The following NHSL1 variants were observed in gnomAD, a reference collection of about 807,000 sequenced individuals.
The protein encoded by NHSL1 is NHS like 1.
NHSL1 carries 48 observed loss-of-function variants against 95.0 expected under a neutral mutation model. The observed-to-expected ratio is 0.51, with a 90% CI of 0.40 to 0.64. The LOEUF is 0.64. Ranked by LOEUF, NHSL1 falls within the 30% of genes least tolerant of loss-of-function variation. The pLI is 0.00. For synonymous variants in NHSL1, 783 were observed against 833.9 expected, an observed-to-expected ratio of 0.94 and a Z score of 1.05; for missense variants, 1,971 against 2,077.7, an observed-to-expected ratio of 0.95 and a Z score of 1.00.
intron 2 of NHSL1, among the ~76,000 whole-genome samples, chr6:138,477,005 A>G (rs1451408859): frequency 6.6e-6 from 1 of 151,534 alleles, no homozygotes; most frequent in East Asian, 1.9e-4. Flanking sequence ...ATAGTTTTAC[A>G]TACCAAATTT....
intron 1 of NHSL1, among the ~76,000 whole-genome samples, chr6:138,624,602 A>T (rs1294370150): frequency 6.6e-6 from 1 of 152,162 alleles, no homozygotes; most frequent in Non-Finnish European, 1.5e-5. Context: ...TCCTGAATGG[A>T]CAATTAAGAT....
chr6:138,484,490 C>A (rs940829546), intron 2 of NHSL1, among the ~76,000 whole-genome samples: 2 of 151,968 alleles, frequency 1.3e-5, no homozygotes, highest in Non-Finnish European at 2.9e-5. Flanking sequence ...TTGGGAAGAA[C>A]CACAGAGGGA....
At chr6:138,552,672 A>C (rs1006967169) in intron 1 of NHSL1, among the ~76,000 whole-genome samples, 1 of 151,984 alleles carries the variant, frequency 6.6e-6, no homozygotes, top group African/African-American at 2.4e-5. Context: ...CTTCCCAGGG[A>C]AGGTAAAGAT....
At chr6:138,602,400 G>A (rs926148000) in intron 1 of NHSL1, among the ~76,000 whole-genome samples, 3 of 152,086 alleles carry the variant, frequency 2.0e-5, no homozygotes, top group East Asian at 3.9e-4. Flanking sequence ...GGAGTGTAGT[G>A]GTACTATCTC....
intron 1 of NHSL1, among the ~76,000 whole-genome samples, chr6:138,511,472 C>A (rs1462781635): frequency 2.6e-5 from 4 of 151,708 alleles, no homozygotes; most frequent in Non-Finnish European, 2.9e-5. Context: ...GAAAGTAGGT[C>A]TATGGGGTCT....
chr6:138,619,076 G>A (rs1254615808), intron 1 of NHSL1, among the ~76,000 whole-genome samples: 3 of 152,160 alleles, frequency 2.0e-5, no homozygotes, highest in East Asian at 3.9e-4. Context: ...GGTGGCTCAC[G>A]CTTATAATCC....
At chr6:138,677,071 T>A (rs192452429) in intron 1 of NHSL1, among the ~76,000 whole-genome samples, 1 of 152,240 alleles carries the variant, frequency 6.6e-6, no homozygotes, top group Non-Finnish European at 1.5e-5. Context: ...TAATAAATTA[T>A]AAAGCTGAAT....
chr6:138,588,327 G>A (rs2114514277), intron 1 of NHSL1, among the ~76,000 whole-genome samples: 1 of 152,310 alleles, frequency 6.6e-6, no homozygotes, highest in Admixed American at 6.5e-5. Flanking sequence ...GCTGGGTGTG[G>A]TGGTGTGTGC....
chr6:138,558,361 A>T (rs988236633), intron 1 of NHSL1, among the ~76,000 whole-genome samples: 1 of 150,760 alleles, frequency 6.6e-6, no homozygotes, highest in Non-Finnish European at 1.5e-5. Context: ...TGACCTCGTG[A>T]TCCACCTGCG....
chr6:138,508,036 T>C (rs1417982112), intron 1 of NHSL1, among the ~76,000 whole-genome samples: 1 of 152,256 alleles, frequency 6.6e-6, no homozygotes, highest in Non-Finnish European at 1.5e-5. Context: ...GTTAATAATT[T>C]AATCCAATAT....
intron 3 of NHSL1, among the ~76,000 whole-genome samples, chr6:138,463,632 G>A (rs1054355395): frequency 2.6e-5 from 4 of 151,246 alleles, no homozygotes; most frequent in South Asian, 2.1e-4. Context: ...CTATCAACCC[G>A]TCGTCTAGGT....
intron 4 of NHSL1, 21 bp downstream of exon 4, chr6:138,446,980 T>C (rs1178422771): frequency 6.4e-7 from 1 of 1,550,754 alleles, no homozygotes; most frequent in African/African-American, 1.4e-5. Flanking sequence ...ATTCTGAACC[T>C]GTCTGGCTAG....
intron 1 of NHSL1, among the ~76,000 whole-genome samples, chr6:138,509,260 T>C (rs1562337611): frequency 6.6e-6 from 1 of 152,240 alleles, no homozygotes; most frequent in African/African-American, 2.4e-5. Flanking sequence ...AAAAAATTGA[T>C]GCAACCTTTC....
Position 138,424,829 on chromosome 6 carries a change from A to G in NHSL1, c.4086-13T>C, listed in dbSNP as rs1036954480. ...TTTCCTTTTGGATCTGAGATTTAAT[A>G]ACATTAAGAAAAAGGTTAATTCCCA... On this transcript the variant is annotated splice_polypyrimidine_tract_variant and intron_variant, in intron 7 of 7. Transcript: ENST00000343505. This position sits in a 1 kb window ranked among gnomAD's most constrained non-coding sequence, Gnocchi z 5.9. 9 of 1,544,630 alleles carry G rather than the reference A, an allele frequency of 5.8e-6. 1 individual carries two copies. In the South Asian group the frequency reaches 9.5e-5, roughly 16 times the overall value.
At chr6:138,609,377 A>G (rs980496055) in intron 1 of NHSL1, among the ~76,000 whole-genome samples, 7 of 152,164 alleles carry the variant, frequency 4.6e-5, no homozygotes, top group Admixed American at 1.3e-4. Context: ...ACAGCCCAAG[A>G]ATTAGGCTGC....
chr6:138,466,625 G>A (rs189114111), intron 3 of NHSL1, among the ~76,000 whole-genome samples: 8 of 152,212 alleles, frequency 5.3e-5, no homozygotes, highest in East Asian at 3.9e-4. Context: ...ACAACAGGCC[G>A]CATATATGAT....
At position 138,431,278 on chromosome 6, in the gene NHSL1, C is replaced by A; in HGVS notation, c.3067G>T (p.Ala1023Ser). The A allele has an allele frequency of 6.7e-7, 1 of 1,501,076 alleles. No homozygotes were observed. The highest frequency in any genetic ancestry group is 8.9e-7 in the Non-Finnish European group (1 of 1,121,392). The allele number at this position is 1,501,076 out of a possible 1,614,324, so 93.0% of individuals were successfully genotyped here. A position where few individuals can be genotyped will look rare whatever the true frequency, so the allele number is the denominator to read the frequency against. The change falls in exon 6 of 8, where the codon GCC (alanine) becomes TCC (serine). Residue 1023 changes from alanine to serine, a missense_variant. Ala to Ser is a moderately conservative substitution (Grantham distance 99). This residue lies in a region of NHSL1 where 1,602 missense variants were observed against 1,654.5 expected (regional missense o/e 0.97). Transcript: ENST00000343505. This position sits in a 1 kb window ranked among gnomAD's most constrained non-coding sequence, Gnocchi z 4.0. ...PLLPSSEPPP[A>S]PPLDPKFMKD... Reference sequence around the variant, plus strand: ...ATGAATTTGGGGTCAAGAGGTGGGGCAGGTGGGGGTTCCGAGGAAGGTAAG... The same window carrying A: ...ATGAATTTGGGGTCAAGAGGTGGGGAAGGTGGGGGTTCCGAGGAAGGTAAG...
intron 1 of NHSL1, among the ~76,000 whole-genome samples, chr6:138,596,643 C>T (rs73564389): frequency 0.028 from 4,322 of 152,110 alleles, 198 homozygotes; most frequent in African/African-American, 0.099. Context: ...GAATCAGCAG[C>T]GCCGCAAAAG....
chr6:138,642,069 T>C (rs913902655), intron 1 of NHSL1, among the ~76,000 whole-genome samples: 1 of 144,652 alleles, frequency 6.9e-6, no homozygotes, highest in African/African-American at 2.6e-5. Flanking sequence ...CCATATTATG[T>C]TCCCAAATTC....
Sources: gnomAD v4.1 joint callset for allele counts (sites outside exome capture counted in the v4.1 genomes callset) on GRCh38, gnomAD v4.1.1 for gene constraint, gnomAD v4.1.1 regional missense constraint, Gnocchi (gnomAD v3.1) non-coding constraint, MANE v1.5 for transcripts, NCBI Gene and HGNC (gene_info 2026-07-23, HGNC 2026-07-21) for gene names.